RBFOX1: variants seen among roughly 807,000 people sequenced by gnomAD.
RBFOX1 encodes RNA binding protein fox-1 homolog 1.
A neutral mutation model predicts 57.7 loss-of-function variants in RBFOX1; 8 were observed. That is an observed-to-expected ratio of 0.14 (90% confidence interval 0.08 to 0.25). RBFOX1 has a LOEUF of 0.25. Ranked by LOEUF, RBFOX1 falls within the 10% of genes least tolerant of loss-of-function variation. RBFOX1 has a pLI of 1.00. For missense variants in RBFOX1, 611 were observed against 548.5 expected, an observed-to-expected ratio of 1.11 and a Z score of -1.14; for synonymous variants, 326 against 222.4, an observed-to-expected ratio of 1.47 and a Z score of -4.15.
chr16:7,120,936 G>A (rs143014284), intron 4 of RBFOX1, among the ~76,000 whole-genome samples: 19 of 151,012 alleles, frequency 1.3e-4, no homozygotes, highest in African/African-American at 4.4e-4. Flanking sequence ...ATTAGTCCCA[G>A]GAGTCCAAGG....
At chr16:5,293,572 A>G (rs1219055131) in intron 1 of RBFOX1, among the ~76,000 whole-genome samples, 2 of 152,194 alleles carry the variant, frequency 1.3e-5, no homozygotes, top group South Asian at 2.1e-4. Context: ...GTAGGCACCA[A>G]TACTTCCATT....
intron 2 of RBFOX1, among the ~76,000 whole-genome samples, chr16:6,335,092 T>C (rs1020926268): frequency 6.6e-6 from 1 of 152,266 alleles, no homozygotes; most frequent in Non-Finnish European, 1.5e-5. Flanking sequence ...GGAACATTTT[T>C]CTGCAGTTTT....
intron 3 of RBFOX1, among the ~76,000 whole-genome samples, chr16:6,994,806 G>A (rs531049050): frequency 6.6e-6 from 1 of 152,118 alleles, no homozygotes; most frequent in South Asian, 2.1e-4. Flanking sequence ...GCATGGAAAC[G>A]ATTTGCTTTC....
intron 3 of RBFOX1, among the ~76,000 whole-genome samples, chr16:6,833,914 C>G (rs544735718): frequency 6.6e-6 from 1 of 151,896 alleles, no homozygotes; most frequent in African/African-American, 2.4e-5. Context: ...GTTGATCAAT[C>G]CACAGATGAG....
intron 4 of RBFOX1, among the ~76,000 whole-genome samples, chr16:7,282,974 A>G (rs1603484149): frequency 2.0e-5 from 3 of 152,084 alleles, no homozygotes; most frequent in Admixed American, 6.6e-5. Flanking sequence ...GTGTGTGTGT[A>G]TCTCACAGTT....
At chr16:6,233,690 C>A (rs1232670994) in intron 1 of RBFOX1, among the ~76,000 whole-genome samples, 1 of 152,050 alleles carries the variant, frequency 6.6e-6, no homozygotes, top group Non-Finnish European at 1.5e-5. Flanking sequence ...CTCACTGCAG[C>A]CTCCACCTCC....
At chr16:6,642,504 G>C (rs142198452) in intron 2 of RBFOX1, among the ~76,000 whole-genome samples, 36 of 151,876 alleles carry the variant, frequency 2.4e-4, no homozygotes, top group African/African-American at 8.2e-4. Context: ...CAACCCTCGA[G>C]TTACCCGGCC....
intron 3 of RBFOX1, among the ~76,000 whole-genome samples, chr16:6,949,725 A>G (rs907309096): frequency 6.6e-6 from 1 of 152,242 alleles, no homozygotes; most frequent in African/African-American, 2.4e-5. Context: ...TAGTCACGTT[A>G]GGAGTTAAGA....
intron 4 of RBFOX1, among the ~76,000 whole-genome samples, chr16:7,092,101 A>G (rs773860925): frequency 2.0e-5 from 3 of 152,344 alleles, no homozygotes; most frequent in Non-Finnish European, 2.9e-5. Flanking sequence ...TCTTAAAGAT[A>G]TTTAAAGACA....
At chr16:6,642,155 G>T (rs1256088280) in intron 2 of RBFOX1, among the ~76,000 whole-genome samples, 1 of 152,170 alleles carries the variant, frequency 6.6e-6, no homozygotes, top group Non-Finnish European at 1.5e-5. Context: ...GAAGGCAGGC[G>T]ACAAACCCAG....
chr16:6,896,693 A>G (rs2067003296), intron 3 of RBFOX1, among the ~76,000 whole-genome samples: 1 of 152,172 alleles, frequency 6.6e-6, no homozygotes, highest in Non-Finnish European at 1.5e-5. Context: ...TGCTGTGGTC[A>G]TTGTGTTAGA....
intron 2 of RBFOX1, among the ~76,000 whole-genome samples, chr16:6,471,226 G>A (rs557383245): frequency 6.6e-6 from 1 of 152,048 alleles, no homozygotes; most frequent in East Asian, 1.9e-4. Context: ...CCTGACTATC[G>A]AACAACCTGC....
intron 5 of RBFOX1, among the ~76,000 whole-genome samples, chr16:7,532,099 C>A (rs753326284): frequency 8.7e-5 from 13 of 149,760 alleles, no homozygotes; most frequent in Non-Finnish European, 1.5e-4. Context: ...ATAGATTGTT[C>A]TCTGGCCTTT....
chr16:5,277,855 A>G (rs905182425), intron 1 of RBFOX1, among the ~76,000 whole-genome samples: 24 of 152,162 alleles, frequency 1.6e-4, no homozygotes, highest in African/African-American at 5.6e-4. Flanking sequence ...GCTGAATAGT[A>G]TTCTATTGTG....
At chr16:5,771,042 C>A (rs74688275) in intron 3 of RBFOX1, among the ~76,000 whole-genome samples, 1 of 152,100 alleles carries the variant, frequency 6.6e-6, no homozygotes, top group Non-Finnish European at 1.5e-5. Flanking sequence ...CTGGAGGAGA[C>A]GCAAAACCTG....
intron 1 of RBFOX1, among the ~76,000 whole-genome samples, chr16:5,381,417 A>C (rs563573043): frequency 5.9e-5 from 9 of 152,318 alleles, no homozygotes; most frequent in African/African-American, 1.9e-4. Context: ...CACATAAATC[A>C]CTTGGAGATC....
chr16:5,856,559 G>A lies in RBFOX1; in HGVS notation c.319-10744G>A, dbSNP rs1223043772. Among the ~76,000 whole-genome samples, 36 of 52,030 alleles carry A rather than the reference G, an allele frequency of 6.9e-4. 2 individuals carry two copies. Among genetic ancestry groups the A allele is most frequent in the Middle Eastern group, 0.011 (1 of 94 alleles). 34.1% of individuals were successfully genotyped at this position (52,030 alleles called of 152,430 possible). A position where few individuals can be genotyped will look rare whatever the true frequency, so the allele number is the denominator to read the frequency against. The stretch of plus-strand genomic sequence containing the variant: ...TGTATGTGTGTGTGTGTGTGTGTGT[G>A]TGTATGTGTGTGTGTGTATATATAT... On this transcript the variant is annotated intron_variant, in intron 3 of 19. Transcript: ENST00000641259.
intron 4 of RBFOX1, among the ~76,000 whole-genome samples, chr16:7,189,710 A>G (rs2084905221): frequency 1.3e-5 from 2 of 152,196 alleles, no homozygotes; most frequent in South Asian, 4.1e-4. Flanking sequence ...TAAATTACTG[A>G]TGGGGTCTAG....
intron 4 of RBFOX1, among the ~76,000 whole-genome samples, chr16:7,161,233 G>A (rs1470792651): frequency 1.3e-5 from 2 of 152,206 alleles, no homozygotes; most frequent in African/African-American, 4.8e-5. Context: ...GGTTCGTGGA[G>A]AAAGAGTGCT....
Sources: allele counts gnomAD v4.1 joint callset (sites outside exome capture counted in the v4.1 genomes callset), GRCh38; gene constraint gnomAD v4.1.1; transcripts MANE v1.5; gene names NCBI Gene and HGNC (gene_info 2026-07-23, HGNC 2026-07-21).